The following SENP6 variants were observed in gnomAD, a reference collection of about 807,000 sequenced individuals.
SENP6 encodes the protein SUMO specific peptidase 6, also known as sentrin-specific protease 6.
Under a neutral mutation model 134.5 loss-of-function variants are expected in SENP6, and 41 were observed. The ratio of observed to expected loss-of-function variants is 0.30; its 90% CI spans 0.24 to 0.40. The LOEUF is 0.40. Ranked by LOEUF, SENP6 falls within the 10% of genes least tolerant of loss-of-function variation. The pLI is 1.00. For missense variants in SENP6, 1,248 were observed against 1,312.5 expected (o/e 0.95, Z 0.76); for synonymous variants, 395 against 429.8 (o/e 0.92, Z 1.00).
intron 19 of SENP6, among the ~76,000 whole-genome samples, chr6:75,703,337 A>G (rs536199661): frequency 1.3e-5 from 2 of 152,200 alleles, no homozygotes; most frequent in Non-Finnish European, 2.9e-5. Context: ...TACTTATAAC[A>G]ATATAGTAAC....
intron 5 of SENP6, among the ~76,000 whole-genome samples, chr6:75,638,705 C>T (rs1769793019): frequency 6.9e-6 from 1 of 145,026 alleles, no homozygotes; most frequent in African/African-American, 2.6e-5. Flanking sequence ...TATACCTAAC[C>T]CGTTTCTTCT....
chr6:75,634,974 A>C (rs1210214147), intron 5 of SENP6, 163 bp downstream of exon 5: 1 of 682,684 alleles, frequency 1.5e-6, no homozygotes, highest in South Asian at 1.5e-5. Context: ...ATACTATTTT[A>C]TATCTGCTTT....
Position 75,640,710 on chromosome 6 carries a change from C to A in SENP6, c.479+6C>A. Reference sequence around the variant, plus strand: ...AGTCTGGACCGAAAAGAAAGGTAAGCTTAATATTGAAGAAATTAGAGCATG... The same window carrying A: ...AGTCTGGACCGAAAAGAAAGGTAAGATTAATATTGAAGAAATTAGAGCATG... On this transcript the variant is annotated splice_donor_region_variant and intron_variant, in intron 6 of 23. Transcript: ENST00000447266. The A allele has an allele frequency of 1.3e-6, 2 of 1,488,384 alleles. No homozygotes were observed. The highest frequency in any genetic ancestry group is 1.4e-5 in the South Asian group (1 of 69,798). 92.2% of individuals were successfully genotyped at this position (1,488,384 alleles called of 1,614,324 possible).
chr6:75,608,679 TACTTA>T (rs142806373), intron 1 of SENP6, among the ~76,000 whole-genome samples: 29,552 of 151,952 alleles, frequency 0.19, 3,264 homozygotes, highest in African/African-American at 0.3. Flanking sequence ...TTGGATAGAT[TACTTA>T]ACTTCTCTGT....
chr6:75,706,332 G>A (rs1169148791), intron 19 of SENP6, among the ~76,000 whole-genome samples: 1 of 152,118 alleles, frequency 6.6e-6, no homozygotes, highest in African/African-American at 2.4e-5. Flanking sequence ...TTAAATGGCT[G>A]TATATGGTAT....
intron 16 of SENP6, among the ~76,000 whole-genome samples, 154 bp from the exon 17 acceptor site, chr6:75,695,650 T>C (rs1334653672): frequency 1.3e-5 from 2 of 152,138 alleles, no homozygotes; most frequent in African/African-American, 4.8e-5. Context: ...AGCAGGAGAA[T>C]CACTTGAACC....
At chr6:75,643,170 A>G (rs1770159372) in intron 6 of SENP6, among the ~76,000 whole-genome samples, 1 of 152,088 alleles carries the variant, frequency 6.6e-6, no homozygotes, top group Non-Finnish European at 1.5e-5. Context: ...AGGAAACAAA[A>G]TGAAATAATA....
At chr6:75,655,938 G>A (rs1450287092) in intron 7 of SENP6, among the ~76,000 whole-genome samples, 4 of 152,088 alleles carry the variant, frequency 2.6e-5, no homozygotes, top group Non-Finnish European at 4.4e-5. Flanking sequence ...ATTGAGCTAG[G>A]CTGGGCGTGG....
chr6:75,661,925 A>C (rs932526719), intron 8 of SENP6, among the ~76,000 whole-genome samples: 1 of 152,092 alleles, frequency 6.6e-6, no homozygotes, highest in Non-Finnish European at 1.5e-5. Context: ...GGTGGTGGGC[A>C]CCTGTAGTCC....
Position 75,715,377 on chromosome 6 carries a change from A to G in SENP6, c.3130-8A>G, listed in dbSNP as rs371350441. The G allele has an allele frequency of 6.3e-6, 10 of 1,586,542 alleles. No individual in the cohort carries two copies. Among genetic ancestry groups the G allele is most frequent in the Admixed American group, 1.7e-5 (1 of 57,326 alleles). The stretch of plus-strand genomic sequence containing the variant: ...AGTTTTCTAATACGCATTTAATTGT[A>G]TTTTCAGAATCCAATTCTCAGTTTT... On this transcript the variant is annotated splice_region_variant and splice_polypyrimidine_tract_variant and intron_variant, in intron 23 of 23. Coordinates refer to ENST00000447266, the MANE Select transcript of SENP6 (RefSeq NM_015571.4).
At chr6:75,699,116 G>A (rs1348218413) in intron 18 of SENP6, among the ~76,000 whole-genome samples, 1 of 151,934 alleles carries the variant, frequency 6.6e-6, no homozygotes, top group Non-Finnish European at 1.5e-5. Flanking sequence ...TAGGTGAAAG[G>A]GAGGAAAGCG....
At chr6:75,676,989 C>A in intron 13 of SENP6, 41 bp from the exon 14 acceptor site, 1 of 924,886 alleles carries the variant, frequency 1.1e-6, no homozygotes, top group Non-Finnish European at 1.6e-6. Context: ...CTATTTACTT[C>A]TTTTGTGTTT....
At chr6:75,691,266 T>C (rs1037330406) in intron 16 of SENP6, among the ~76,000 whole-genome samples, 5 of 151,154 alleles carry the variant, frequency 3.3e-5, no homozygotes, top group Non-Finnish European at 5.9e-5. Context: ...CCTCAGCCTC[T>C]CAAGTAGCTG....
intron 5 of SENP6, 146 bp from the exon 6 acceptor site, chr6:75,640,538 C>A: frequency 2.9e-6 from 1 of 347,574 alleles, no homozygotes; most frequent in Non-Finnish European, 5.3e-6. Context: ...TGACTCAAAA[C>A]ATAGTATATT....
intron 5 of SENP6, among the ~76,000 whole-genome samples, chr6:75,638,123 A>G (rs1769668404): frequency 6.6e-6 from 1 of 152,064 alleles, no homozygotes; most frequent in African/African-American, 2.4e-5. Flanking sequence ...TGGCCTCCCA[A>G]AGTGCTGGGA....
chr6:75,625,941 A>T (rs1252576109), intron 3 of SENP6, among the ~76,000 whole-genome samples: 1 of 152,232 alleles, frequency 6.6e-6, no homozygotes, highest in East Asian at 1.9e-4. Flanking sequence ...TAGTTTCACA[A>T]TAGTAATACC....
intron 19 of SENP6, among the ~76,000 whole-genome samples, chr6:75,706,822 G>A (rs1228286637): frequency 1.3e-5 from 2 of 152,156 alleles, no homozygotes; most frequent in Non-Finnish European, 2.9e-5. Flanking sequence ...TGGAAATTAG[G>A]TTTTTACAGA....
chr6:75,709,567 A>G lies in SENP6; in HGVS notation c.2757A>G (p.Ser919=), dbSNP rs1185973343. 1 of 1,614,088 alleles carries G rather than the reference A, an allele frequency of 6.2e-7. No individual in the cohort carries two copies. Among genetic ancestry groups the G allele is most frequent in the Non-Finnish European group, 8.5e-7 (1 of 1,179,962 alleles). The part of the protein sequence containing the change: ...SKIRLNYSDE[S]PEAGKMLEDE... ...TCAGACTAAACTATAGCGATGAATC[A>G]CCTGAAGCTGGTAAAATGCTTGAAG... The change falls in exon 20 of 24, where the codon TCA becomes TCG. Residue 919 remains serine (S), a synonymous_variant. Transcript: ENST00000447266.
At chr6:75,671,455 G>T (rs904793964) in intron 11 of SENP6, among the ~76,000 whole-genome samples, 2 of 152,214 alleles carry the variant, frequency 1.3e-5, no homozygotes, top group African/African-American at 4.8e-5. Context: ...CGGGCGCGGT[G>T]TCTCACGCCT....
Sources: gnomAD v4.1 joint callset for allele counts (sites outside exome capture counted in the v4.1 genomes callset) on GRCh38, gnomAD v4.1.1 for gene constraint, MANE v1.5 for transcripts, NCBI Gene and HGNC (gene_info 2026-07-23, HGNC 2026-07-21) for gene names.